Variants in USP14 observed in about 807,000 individuals in gnomAD.
USP14 encodes ubiquitin specific peptidase 14.
In USP14, 38 loss-of-function variants were observed where a neutral mutation model predicts 76.5. That is an observed-to-expected ratio of 0.50 (90% CI 0.38 to 0.65). The LOEUF is 0.65. Among genes scored for constraint, USP14 ranks in the 30% least tolerant of loss-of-function variants. USP14 has a pLI of 0.00. For synonymous variants in USP14, 192 were observed against 191.7 expected (o/e 1.00, Z -0.01); for missense variants, 467 against 586.5 (o/e 0.80, Z 2.10).
At chr18:180,190 AAATGGTTT>A in intron 4 of USP14, 38 bp from the exon 5 acceptor site, 1 of 1,116,088 alleles carries the variant, frequency 9.0e-7, no homozygotes, top group Non-Finnish European at 1.3e-6. Flanking sequence ...CATTTTGTAA[AAATGGTTT>A]AATGATTTAA....
chr18:182,377 T>TC (rs1484880564), intron 5 of USP14, among the ~76,000 whole-genome samples: 4 of 152,188 alleles, frequency 2.6e-5, no homozygotes, highest in Non-Finnish European at 5.9e-5. Flanking sequence ...TTTTGTTTTT[T>TC]CCCCTCAGTC....
chr18:194,857 G>C (rs915139733), intron 6 of USP14, among the ~76,000 whole-genome samples: 20 of 152,116 alleles, frequency 1.3e-4, no homozygotes, highest in African/African-American at 4.8e-4. Context: ...CTTGAACCTG[G>C]GAGGCAGAGG....
At position 206,006 on chromosome 18, in the gene USP14, A is replaced by G. The variant is rs147562236; in HGVS notation, c.1164+1314A>G. Among the ~76,000 whole-genome samples the G allele has an allele frequency of 2.4e-3, 362 of 152,346 alleles. 2 individuals are homozygous for G. The highest frequency in any genetic ancestry group is 4.8e-3 in the Non-Finnish European group (324 of 68,032). On this transcript the variant is annotated intron_variant, in intron 13 of 15. Coordinates refer to ENST00000261601, the MANE Select transcript of USP14 (RefSeq NM_005151.4). ...TTTCTAGTGTTTGTCTGTGATGAAT[A>G]AACCTGCTGTAAACATTCGTGTACA...
intron 5 of USP14, among the ~76,000 whole-genome samples, chr18:183,320 CTT>C (rs968252492): frequency 7.0e-6 from 1 of 143,600 alleles, no homozygotes. Flanking sequence ...AGGGTTTTCT[CTT>C]TTTTTTTTTT....
rs1910244393 is a variant in USP14 at position 196,630 on chromosome 18, C to G, written c.464-7C>G. 1 of 1,611,024 alleles carries G rather than the reference C, an allele frequency of 6.2e-7. No individual in the cohort carries two copies. The highest frequency in any genetic ancestry group is 1.1e-5 in the South Asian group (1 of 90,358). ...TTTACTAAGGCAATGTTTGCTTTGT[C>G]TTTAAGCCCTTAGAGATTTGTTTGA... On this transcript the variant is annotated splice_polypyrimidine_tract_variant and splice_region_variant and intron_variant, in intron 6 of 15. Coordinates refer to ENST00000261601, the MANE Select transcript of USP14 (RefSeq NM_005151.4).
rs148862487 is a variant in USP14, at chr18:171,376, C to T, written c.195+4557C>T. Among the ~76,000 whole-genome samples the T allele has an allele frequency of 6.6e-5, 10 of 152,156 alleles. No homozygotes were observed. The East Asian group carries it at 1.4e-3, about 21-fold the overall frequency. ...ATGACTTTAAGTTGAAACCAATGCTCGTTTACCATTCCAAAAACCATGGAT... is the reference window on the plus strand; with the variant it reads ...ATGACTTTAAGTTGAAACCAATGCTTGTTTACCATTCCAAAAACCATGGAT... On this transcript the variant is annotated intron_variant, in intron 3 of 15. Coordinates refer to ENST00000261601, the MANE Select transcript of USP14 (RefSeq NM_005151.4).
At chr18:178,860 T>C in intron 3 of USP14, 73 bp from the exon 4 acceptor site, 1 of 1,121,408 alleles carries the variant, frequency 8.9e-7, no homozygotes, top group Non-Finnish European at 1.3e-6. Flanking sequence ...CTTTTGTTCC[T>C]GGCTTCTTTT....
In USP14 at chr18:211,428, C is replaced by A; in HGVS notation, c.*144C>A. The A allele has an allele frequency of 1.3e-6, 1 of 779,836 alleles. No individual in the cohort carries two copies. Among genetic ancestry groups the A allele is most frequent in the Non-Finnish European group, 1.9e-6 (1 of 521,528 alleles). The allele number at this position is 779,836 out of a possible 1,614,324, so 48.3% of individuals were successfully genotyped here. On this transcript the variant is annotated 3_prime_UTR_variant, in exon 16 of 16. Transcript: ENST00000261601. Reference sequence around the variant, plus strand: ...CAAAAGAGGACAGAAGCAGACCACTCTGTGCACCAACCTAAAAAATTACAG... The same window carrying A: ...CAAAAGAGGACAGAAGCAGACCACTATGTGCACCAACCTAAAAAATTACAG...
rs773335424 is a variant in USP14 at position 212,273 on chromosome 18, C to G, written c.*989C>G. On this transcript the variant is annotated 3_prime_UTR_variant, in exon 16 of 16. Transcript: ENST00000261601. The stretch of plus-strand genomic sequence containing the variant: ...ATGCAGTGATGTTATCAGTCAGATT[C>G]TTTCCTTGGCTCAGTTGTGTTTGTA... The G allele has an allele frequency of 7.2e-5, 11 of 152,222 alleles. No individual in the cohort carries two copies. The highest frequency in any genetic ancestry group is 2.7e-4 in the African/African-American group (11 of 41,450). The allele number at this position is 152,222 out of a possible 1,614,324, so 9.4% of individuals were successfully genotyped here.
chr18:170,931 A>G (rs1264409859), intron 3 of USP14, among the ~76,000 whole-genome samples: 1 of 150,478 alleles, frequency 6.6e-6, no homozygotes, highest in Non-Finnish European at 1.5e-5. Context: ...TGATGGGTCT[A>G]TAGGTGCAGC....
chr18:208,656 G>T (rs1910590544), intron 13 of USP14, among the ~76,000 whole-genome samples: 1 of 151,864 alleles, frequency 6.6e-6, no homozygotes, highest in Non-Finnish European at 1.5e-5. Context: ...TATTTAGAAG[G>T]GTCTAAGTAA....
intron 1 of USP14, among the ~76,000 whole-genome samples, chr18:160,101 C>T (rs1057149142): frequency 1.3e-5 from 2 of 152,050 alleles, no homozygotes; most frequent in African/African-American, 2.4e-5. Context: ...GTCAGGAGTT[C>T]GAGACCGCCT....
chr18:194,178 A>G (rs571799435), intron 6 of USP14, among the ~76,000 whole-genome samples: 1 of 152,290 alleles, frequency 6.6e-6, no homozygotes, highest in South Asian at 2.1e-4. Flanking sequence ...TTGATATTAT[A>G]AACAGGTTTC....
intron 9 of USP14, among the ~76,000 whole-genome samples, chr18:198,690 TTAGCA>T (rs1451137250): frequency 6.6e-6 from 1 of 152,160 alleles, no homozygotes; most frequent in Non-Finnish European, 1.5e-5. Flanking sequence ...AAGAACATCT[TTAGCA>T]GAGTCTACCT....
In USP14 at chr18:166,612, C is replaced by A. The variant is rs541280272; in HGVS notation, c.163-175C>A. Among the ~76,000 whole-genome samples, 12 of 152,170 alleles carry A rather than the reference C, an allele frequency of 7.9e-5. No homozygotes were observed. The East Asian group carries it at 2.1e-3, about 27-fold the overall frequency. ...CCTCCCAAAGTGCTGGGATTACAGGCGTGAGCCACTGTGCCTGGCCAAAAA... is the reference window on the plus strand; with the variant it reads ...CCTCCCAAAGTGCTGGGATTACAGGAGTGAGCCACTGTGCCTGGCCAAAAA... On this transcript the variant is annotated intron_variant, in intron 2 of 15. Transcript: ENST00000261601.
chr18:203,087 T>C lies in USP14; in HGVS notation c.943-11T>C. 1 of 1,612,282 alleles carries C rather than the reference T, an allele frequency of 6.2e-7. No homozygotes were observed. Among genetic ancestry groups the C allele is most frequent in the Non-Finnish European group, 8.5e-7 (1 of 1,179,488 alleles). ...GATGTAATGGGATTTCTTTACATTT[T>C]GTCTCCTCAGTCCAAGATCAGCCGG... On this transcript the variant is annotated splice_polypyrimidine_tract_variant and intron_variant, in intron 11 of 15. Transcript: ENST00000261601.
At chr18:173,412 A>G (rs1044801428) in intron 3 of USP14, among the ~76,000 whole-genome samples, 3 of 139,690 alleles carry the variant, frequency 2.1e-5, no homozygotes, top group Admixed American at 7.1e-5. Context: ...TGCCCGGCCT[A>G]TATTGTCTGT....
intron 12 of USP14, among the ~76,000 whole-genome samples, chr18:204,233 T>C (rs1054035679): frequency 6.6e-6 from 1 of 151,920 alleles, no homozygotes; most frequent in African/African-American, 2.4e-5. Context: ...GTTTGGGAGG[T>C]CCATTATTTT....
chr18:172,190 A>G (rs1284008623), intron 3 of USP14, among the ~76,000 whole-genome samples: 1 of 152,152 alleles, frequency 6.6e-6, no homozygotes, highest in Admixed American at 6.6e-5. Flanking sequence ...GTGAGCTATG[A>G]TTGTGCCACT....
Sources: allele counts gnomAD v4.1 joint callset (sites outside exome capture counted in the v4.1 genomes callset), GRCh38; gene constraint gnomAD v4.1.1; transcripts MANE v1.5; gene names NCBI Gene and HGNC (gene_info 2026-07-23, HGNC 2026-07-21).